The following ASIC1 variants were observed in gnomAD, a reference collection of about 807,000 sequenced individuals.
ASIC1 encodes acid sensing ion channel subunit 1, also known as acid-sensing ion channel 1.
A neutral mutation model predicts 63.4 loss-of-function variants in ASIC1; 21 were observed. The observed-to-expected ratio is 0.33, with a 90% CI of 0.23 to 0.48. ASIC1 has a LOEUF of 0.48. ASIC1 is among the 20% of genes least tolerant of loss of function. ASIC1 has a pLI of 0.99. For missense variants in ASIC1, 478 were observed against 695.5 expected (o/e 0.69, Z 3.52); for synonymous variants, 258 against 278.2 (o/e 0.93, Z 0.72).
At position 50,059,861 on chromosome 12, in the gene ASIC1, T is replaced by A; in HGVS notation, c.465T>A (p.Arg155=). The change falls in exon 3 of 12, where the codon CGT becomes CGA. Residue 155 remains arginine, a synonymous_variant. Transcript: ENST00000447966. The surrounding 1 kb of genome is among the most constrained non-coding windows in gnomAD (Gnocchi z 4.6). Reference sequence around the variant, plus strand: ...TCAAACCCAAACCCTTCAACATGCGTGAGTTCTACGACCGAGCTGGGCACG... The same window carrying A: ...TCAAACCCAAACCCTTCAACATGCGAGAGTTCTACGACCGAGCTGGGCACG... ...RSFKPKPFNM[R]EFYDRAGHDI... The A allele has an allele frequency of 6.2e-7, 1 of 1,614,164 alleles. No homozygotes were observed. The highest frequency in any genetic ancestry group is 8.5e-7 in the Non-Finnish European group (1 of 1,180,024).
chr12:50,069,803 C>T (rs1950581521), intron 3 of ASIC1, among the ~76,000 whole-genome samples: 1 of 151,972 alleles, frequency 6.6e-6, no homozygotes. Context: ...TCCATGAGGG[C>T]AGGTCCATGA....
intron 3 of ASIC1, among the ~76,000 whole-genome samples, chr12:50,065,144 C>T (rs922732527): frequency 1.3e-4 from 20 of 152,186 alleles, no homozygotes; most frequent in Admixed American, 1.2e-3. Flanking sequence ...CAATTCTCTC[C>T]GGCCATTCTT....
chr12:50,079,312 G>A (rs938508458), intron 7 of ASIC1, among the ~76,000 whole-genome samples: 6 of 152,182 alleles, frequency 3.9e-5, no homozygotes, highest in African/African-American at 1.4e-4. Flanking sequence ...TACTCTGGAG[G>A]CTGAGGTGGG....
chr12:50,058,708 T>G (rs1364151204), intron 1 of ASIC1, 43 bp from the exon 2 acceptor site: 2 of 1,526,114 alleles, frequency 1.3e-6, no homozygotes, highest in Admixed American at 4.1e-5. Flanking sequence ...ATGTGTACTT[T>G]CATCCCAGGA....
At chr12:50,073,440 A>G (rs1212571225) in intron 3 of ASIC1, 2 of 1,409,150 alleles carry the variant, frequency 1.4e-6, no homozygotes, top group Non-Finnish European at 1.8e-6. Flanking sequence ...CTGGTGAGGA[A>G]GGACGGCCAG....
chr12:50,074,739 G>A lies in ASIC1; in HGVS notation c.559-2474G>A, dbSNP rs966947594. On this transcript the variant is annotated intron_variant, in intron 3 of 11. Coordinates refer to ENST00000447966, the MANE Select transcript of ASIC1 (RefSeq NM_001095.4). This position sits in a 1 kb window ranked among gnomAD's most constrained non-coding sequence, Gnocchi z 4.2. ...AGTGAAAGGGTGACAGTAGAGGGGT[G>A]GGGATATCCCCCAACCCCACCCCAC... Among the ~76,000 whole-genome samples, 1 of 152,012 alleles carries A rather than the reference G, an allele frequency of 6.6e-6. No individual in the cohort carries two copies. The highest frequency in any genetic ancestry group is 1.5e-5 in the Non-Finnish European group (1 of 67,978).
rs1381577725 is a variant in ASIC1, at chr12:50,074,450, CT to C, written c.559-2762del. 1.3e-5 allele frequency among the ~76,000 whole-genome samples: 2 copies of C among 152,212 alleles called. No homozygotes were observed. Among genetic ancestry groups the C allele is most frequent in the Non-Finnish European group, 2.9e-5 (2 of 68,034 alleles). On this transcript the variant is annotated intron_variant, in intron 3 of 11. Coordinates refer to ENST00000447966, the MANE Select transcript of ASIC1 (RefSeq NM_001095.4). The surrounding 1 kb of genome is among the most constrained non-coding windows in gnomAD (Gnocchi z 4.2). ...TGGTATTCCCAGGTCCACACCAGTG[CT>C]GCTTTTCCTGTTAGAATCTTGAAAC...
At position 50,078,283 on chromosome 12, in the gene ASIC1, G is replaced by A. The variant is rs556272473; in HGVS notation, c.838-138G>A. Reference sequence around the variant, plus strand: ...GTGATCGAATGAACAAGAATGCTCTGTAAACTCTGAGACCTTTGGAGGCTG... The same window carrying A: ...GTGATCGAATGAACAAGAATGCTCTATAAACTCTGAGACCTTTGGAGGCTG... On this transcript the variant is annotated intron_variant, in intron 5 of 11. Coordinates refer to ENST00000447966, the MANE Select transcript of ASIC1 (RefSeq NM_001095.4). This position sits in a 1 kb window ranked among gnomAD's most constrained non-coding sequence, Gnocchi z 6.0. 1 of 1,509,446 alleles carries A rather than the reference G, an allele frequency of 6.6e-7. No homozygotes were observed. The highest frequency in any genetic ancestry group is 8.9e-7 in the Non-Finnish European group (1 of 1,117,788). 93.5% of individuals were successfully genotyped at this position (1,509,446 alleles called of 1,614,324 possible).
rs906733599 is a variant in ASIC1, at chr12:50,081,853, C to G, written c.*204C>G. On this transcript the variant is annotated 3_prime_UTR_variant, in exon 12 of 12. Coordinates refer to ENST00000447966, the MANE Select transcript of ASIC1 (RefSeq NM_001095.4). Reference sequence around the variant, plus strand: ...TCTTTTTACATTTAACAAAACTAATCTAAAAAAGAACTAAAAAGGGAGAAC... The same window carrying G: ...TCTTTTTACATTTAACAAAACTAATGTAAAAAAGAACTAAAAAGGGAGAAC... 3 of 584,674 alleles carry G rather than the reference C, an allele frequency of 5.1e-6. No individual in the cohort carries two copies. Among genetic ancestry groups the G allele is most frequent in the Non-Finnish European group, 9.0e-6 (3 of 332,460 alleles). 36.2% of individuals were successfully genotyped at this position (584,674 alleles called of 1,614,324 possible).
At chr12:50,072,948 G>A (rs1288227740) in intron 3 of ASIC1, among the ~76,000 whole-genome samples, 1 of 152,186 alleles carries the variant, frequency 6.6e-6, no homozygotes, top group African/African-American at 2.4e-5. Flanking sequence ...TTGGAGGTCT[G>A]AGAGAGTACC....
chr12:50,073,985 C>G (rs1469699355), intron 3 of ASIC1: 1 of 1,535,696 alleles, frequency 6.5e-7, no homozygotes, highest in Non-Finnish European at 8.7e-7. Context: ...CTGGCCTTCC[C>G]GGCAGTCACC....
At chr12:50,067,194 G>T (rs1303628821) in intron 3 of ASIC1, among the ~76,000 whole-genome samples, 1 of 152,106 alleles carries the variant, frequency 6.6e-6, no homozygotes, top group Non-Finnish European at 1.5e-5. Flanking sequence ...TCCTAAAAGT[G>T]ATATGTTTAT....
Position 50,081,756 on chromosome 12 carries a change from G to A in ASIC1, c.*107G>A, listed in dbSNP as rs1485560660. 7 of 978,858 alleles carry A rather than the reference G, an allele frequency of 7.2e-6. No individual in the cohort carries two copies. Among genetic ancestry groups the A allele is most frequent in the Non-Finnish European group, 1.1e-5 (7 of 651,996 alleles). The allele number at this position is 978,858 out of a possible 1,614,324, so 60.6% of individuals were successfully genotyped here. A position where few individuals can be genotyped will look rare whatever the true frequency, so the allele number is the denominator to read the frequency against. On this transcript the variant is annotated 3_prime_UTR_variant, in exon 12 of 12. Transcript: ENST00000447966. ...CCCTGGGGACTCCCCACACTCCGGG[G>A]CAGATCTTTCCTCTTGTCTGTGGTA...
chr12:50,073,968 C>T (rs758477870), intron 3 of ASIC1: 1 of 1,535,852 alleles, frequency 6.5e-7, no homozygotes, highest in Non-Finnish European at 8.7e-7. Context: ...AAGTGGCCAC[C>T]ACGGAGCTGG....
intron 3 of ASIC1, among the ~76,000 whole-genome samples, chr12:50,068,630 G>T (rs983103066): frequency 2.6e-5 from 4 of 151,362 alleles, no homozygotes; most frequent in African/African-American, 9.7e-5. Context: ...TCTCTACTTG[G>T]ATGTCCCTAA....
chr12:50,066,474 G>T (rs1950546789), intron 3 of ASIC1, among the ~76,000 whole-genome samples: 1 of 152,114 alleles, frequency 6.6e-6, no homozygotes, highest in Admixed American at 6.5e-5. Flanking sequence ...AAGTTGAGTA[G>T]GCCTAGTTTT....
At chr12:50,066,924 C>T (rs956664930) in intron 3 of ASIC1, among the ~76,000 whole-genome samples, 6 of 152,130 alleles carry the variant, frequency 3.9e-5, no homozygotes, top group African/African-American at 1.4e-4. Context: ...TTCCCTCTGC[C>T]TTTTTAAGAT....
intron 3 of ASIC1, chr12:50,073,448 C>T: frequency 1.4e-6 from 2 of 1,419,436 alleles, no homozygotes; most frequent in East Asian, 2.5e-5. Flanking sequence ...GAAGGACGGC[C>T]AGCTGGGCTG....
At position 50,074,232 on chromosome 12, in the gene ASIC1, C is replaced by T; in HGVS notation, c.559-2981C>T. 1 of 1,488,626 alleles carries T rather than the reference C, an allele frequency of 6.7e-7. No homozygotes were observed. The highest frequency in any genetic ancestry group is 1.4e-5 in the African/African-American group (1 of 71,712). The allele number at this position is 1,488,626 out of a possible 1,614,324, so 92.2% of individuals were successfully genotyped here. ...ACCAAGGGGGACCCTGCGGCCCTCA[C>T]AACTTCTCAGTGGTGAGTGGAGCCC... On this transcript the variant is annotated intron_variant, in intron 3 of 11. Coordinates refer to ENST00000447966, the MANE Select transcript of ASIC1 (RefSeq NM_001095.4). This position sits in a 1 kb window ranked among gnomAD's most constrained non-coding sequence, Gnocchi z 4.2.
Sources: allele counts gnomAD v4.1 joint callset (sites outside exome capture counted in the v4.1 genomes callset), GRCh38; gene constraint gnomAD v4.1.1; non-coding constraint Gnocchi (gnomAD v3.1); transcripts MANE v1.5; gene names NCBI Gene and HGNC (gene_info 2026-07-23, HGNC 2026-07-21).